Variants in PRKCE observed in about 807,000 individuals in gnomAD.
PRKCE encodes protein kinase C epsilon.
Under a neutral mutation model 85.4 loss-of-function variants are expected in PRKCE, and 16 were observed. The observed-to-expected ratio is 0.19, with a 90% CI of 0.13 to 0.28. The LOEUF (loss-of-function observed/expected upper bound fraction) is 0.28, where lower values mean the gene tolerates loss of function less well. Among genes scored for constraint, PRKCE ranks in the 10% least tolerant of loss-of-function variants. The pLI is 1.00. For synonymous variants in PRKCE, 388 were observed against 371.5 expected (o/e 1.04, Z -0.51); for missense variants, 573 against 975.2 (o/e 0.59, Z 5.49).
intron 2 of PRKCE, among the ~76,000 whole-genome samples, chr2:45,880,110 G>A (rs1014151084): frequency 3.3e-5 from 5 of 152,188 alleles, no homozygotes; most frequent in Non-Finnish European, 1.5e-5. Context: ...ATGAGTGAGA[G>A]CATGCAGTGT....
chr2:45,823,377 G>T (rs907496459), intron 1 of PRKCE, among the ~76,000 whole-genome samples: 4 of 152,246 alleles, frequency 2.6e-5, no homozygotes. Flanking sequence ...TAGTAGCTGA[G>T]CTGTTGAATT....
At chr2:45,975,513 T>C (rs577858311) in intron 2 of PRKCE, among the ~76,000 whole-genome samples, 5 of 152,302 alleles carry the variant, frequency 3.3e-5, no homozygotes, top group Admixed American at 2.6e-4. Flanking sequence ...AATCCCATCA[T>C]GGAGGCTCAA....
chr2:46,063,926 G>A (rs1011501192), intron 10 of PRKCE, among the ~76,000 whole-genome samples: 2 of 152,140 alleles, frequency 1.3e-5, no homozygotes, highest in Non-Finnish European at 2.9e-5. Flanking sequence ...AAGAGTTGTT[G>A]ACTATCATCA....
At chr2:45,838,339 G>A (rs995269026) in intron 1 of PRKCE, among the ~76,000 whole-genome samples, 10 of 152,226 alleles carry the variant, frequency 6.6e-5, no homozygotes, top group South Asian at 2.1e-4. Context: ...GCCCCAGGCT[G>A]ACCTGGGTGA....
intron 1 of PRKCE, among the ~76,000 whole-genome samples, chr2:45,693,756 G>T (rs1677926841): frequency 6.6e-6 from 1 of 152,180 alleles, no homozygotes; most frequent in South Asian, 2.1e-4. Flanking sequence ...CCCCTGAGAG[G>T]TTTGGCAAGG....
chr2:46,157,197 C>T (rs981573865), intron 13 of PRKCE, among the ~76,000 whole-genome samples: 2 of 152,126 alleles, frequency 1.3e-5, no homozygotes, highest in African/African-American at 4.8e-5. Context: ...AGCCCCATCT[C>T]TTCCCAAGTC....
chr2:45,958,268 G>T (rs955150214), intron 2 of PRKCE, among the ~76,000 whole-genome samples: 14 of 151,160 alleles, frequency 9.3e-5, no homozygotes, highest in African/African-American at 3.2e-4. Context: ...CCAGCACTTT[G>T]GGAGGCCAAG....
chr2:46,131,411 A>G (rs1465198582), intron 11 of PRKCE, among the ~76,000 whole-genome samples: 1 of 152,234 alleles, frequency 6.6e-6, no homozygotes, highest in Non-Finnish European at 1.5e-5. Context: ...ATAAGGGTCC[A>G]CCTTAGCTCA....
chr2:45,816,279 G>A (rs144144531), intron 1 of PRKCE, among the ~76,000 whole-genome samples: 4 of 152,234 alleles, frequency 2.6e-5, no homozygotes, highest in Non-Finnish European at 5.9e-5. Flanking sequence ...TATGAATATA[G>A]AAGGAGAATT....
chr2:46,076,540 A>T (rs1242586974), intron 10 of PRKCE, among the ~76,000 whole-genome samples: 1 of 152,208 alleles, frequency 6.6e-6, no homozygotes, highest in Non-Finnish European at 1.5e-5. Context: ...AGGTCACTCT[A>T]AACTTGGGGT....
At chr2:45,897,431 T>G (rs1243666436) in intron 2 of PRKCE, among the ~76,000 whole-genome samples, 1 of 152,230 alleles carries the variant, frequency 6.6e-6, no homozygotes, top group Non-Finnish European at 1.5e-5. Context: ...CATCTTGTTT[T>G]GTGCTAATAG....
At chr2:46,054,332 C>T (rs1666354010) in intron 10 of PRKCE, among the ~76,000 whole-genome samples, 1 of 152,222 alleles carries the variant, frequency 6.6e-6, no homozygotes, top group Non-Finnish European at 1.5e-5. Context: ...CATTTGATAA[C>T]TGAGGAAACT....
At chr2:45,675,527 G>A (rs1203359565) in intron 1 of PRKCE, 2 of 152,144 alleles carry the variant, frequency 1.3e-5, no homozygotes, top group Non-Finnish European at 2.9e-5. Context: ...TATTCTCCTG[G>A]GTATTGGCTA....
rs561858679 is a variant in PRKCE at position 46,079,940 on chromosome 2, C to G, written c.1438-6268C>G. On this transcript the variant is annotated intron_variant, in intron 10 of 14. Transcript: ENST00000306156. ...ACCCTAAATGGCCATGACACATAAT[C>G]TCTTTCCTAATTTTATTATTTTACT... Among the ~76,000 whole-genome samples the G allele has an allele frequency of 6.6e-5, 10 of 152,326 alleles. No individual in the cohort carries two copies. In the South Asian group the frequency reaches 1.9e-3, roughly 28 times the overall value.
intron 10 of PRKCE, among the ~76,000 whole-genome samples, chr2:46,015,930 G>T (rs1706105496): frequency 6.6e-6 from 1 of 152,182 alleles, no homozygotes; most frequent in Non-Finnish European, 1.5e-5. Flanking sequence ...TCAACACAAT[G>T]AGTTGGTTTG....
intron 1 of PRKCE, among the ~76,000 whole-genome samples, chr2:45,752,520 G>A (rs1003459239): frequency 6.6e-6 from 1 of 151,796 alleles, no homozygotes; most frequent in Non-Finnish European, 1.5e-5. Context: ...TGCATTCATT[G>A]GTTGTATGAC....
intron 3 of PRKCE, 87 bp from the exon 4 acceptor site, chr2:45,978,889 G>T (rs927483877): frequency 1.8e-6 from 2 of 1,123,382 alleles, no homozygotes; most frequent in African/African-American, 3.1e-5. Flanking sequence ...CTATGTGGGT[G>T]GTGGCCCAAA....
intron 1 of PRKCE, among the ~76,000 whole-genome samples, chr2:45,807,981 C>A (rs1445900242): frequency 1.1e-4 from 16 of 152,136 alleles, no homozygotes; most frequent in Non-Finnish European, 4.4e-5. Flanking sequence ...CTGTGCCACC[C>A]CCTGCATCTG....
At chr2:45,736,092 CT>C (rs1682033310) in intron 1 of PRKCE, among the ~76,000 whole-genome samples, 1 of 152,054 alleles carries the variant, frequency 6.6e-6, no homozygotes, top group South Asian at 2.1e-4. Flanking sequence ...ACCAGAGTAC[CT>C]GGGATTACAG....
Sources: gnomAD v4.1 joint callset for allele counts (sites outside exome capture counted in the v4.1 genomes callset) on GRCh38, gnomAD v4.1.1 for gene constraint, MANE v1.5 for transcripts, NCBI Gene and HGNC (gene_info 2026-07-23, HGNC 2026-07-21) for gene names.